FAAH2: variants seen among roughly 807,000 people sequenced by gnomAD.
FAAH2 encodes fatty-acid amide hydrolase 2.
Under a neutral mutation model 36.9 loss-of-function variants are expected in FAAH2, and 60 were observed. The observed-to-expected ratio is 1.63, with a 90% CI of 1.32 to 2.02. The LOEUF (loss-of-function observed/expected upper bound fraction) is 2.02, where lower values mean the gene tolerates loss of function less well. Ranked by LOEUF, FAAH2 falls within the 30% of genes most tolerant of loss-of-function variation. The probability of loss-of-function intolerance (pLI) is 0.00; values close to 1 mark genes in which losing one functional copy is unlikely to be tolerated. For synonymous variants in FAAH2, 214 were observed against 143.8 expected (o/e 1.49, Z -3.49); for missense variants, 689 against 397.5 (o/e 1.73, Z -6.23).
chrX:57,290,198 C>CTTT (rs767292820), intron 1 of FAAH2: 106 of 552,894 alleles, frequency 1.9e-4, no homozygotes, highest in Middle Eastern at 1.1e-3. Flanking sequence ...CTAACCCCTG[C>CTTT]TTTTTTTTTT....
chrX:57,478,892 C>G (rs942636137), intron 10 of FAAH2, among the ~76,000 whole-genome samples: 11 of 111,564 alleles, frequency 9.9e-5, no homozygotes, highest in Admixed American at 7.6e-4. Context: ...TTACTGTAGC[C>G]TTGTAGTATA....
upstream of FAAH2, among the ~76,000 whole-genome samples, chrX:57,285,052 A>G (rs1272018009): frequency 8.9e-6 from 1 of 112,489 alleles, no homozygotes; most frequent in Non-Finnish European, 1.9e-5. Context: ...TTTCTCTGGT[A>G]AGGAAGTTTC....
At chrX:57,408,278 A>G (rs2055615430) in intron 7 of FAAH2, among the ~76,000 whole-genome samples, 1 of 110,966 alleles carries the variant, frequency 9.0e-6, no homozygotes, top group Admixed American at 9.6e-5. Context: ...TTAATTTTCC[A>G]ATCTGTGAAC....
the FAAH2 span, among the ~76,000 whole-genome samples, chrX:57,251,725 G>A: frequency 1.1e-4 from 12 of 111,587 alleles, no homozygotes; most frequent in Admixed American, 1.1e-3. Context: ...CATGAGAGTC[G>A]CTTCCAAGAC....
At chrX:57,358,549 T>A (rs2147130370) in intron 5 of FAAH2, among the ~76,000 whole-genome samples, 1 of 111,562 alleles carries the variant, frequency 9.0e-6, no homozygotes, top group Admixed American at 9.6e-5. Context: ...ACAATTTCCA[T>A]TATATATGTA....
At chrX:57,431,451 A>G (rs1042869137) in intron 7 of FAAH2, among the ~76,000 whole-genome samples, 1 of 112,012 alleles carries the variant, frequency 8.9e-6, no homozygotes, top group African/African-American at 3.2e-5. Flanking sequence ...CCTACAGTCT[A>G]AACTATGCTA....
chrX:57,219,798 G>A, the FAAH2 span, among the ~76,000 whole-genome samples: 1 of 103,396 alleles, frequency 9.7e-6, no homozygotes, highest in Non-Finnish European at 1.9e-5. Flanking sequence ...AGTCCTCTAG[G>A]CTGCCTCATA....
At chrX:57,256,507 CCTGA>C in the FAAH2 span, among the ~76,000 whole-genome samples, 1 of 111,554 alleles carries the variant, frequency 9.0e-6, no homozygotes, top group Non-Finnish European at 1.9e-5. Context: ...CACCACGCTA[CCTGA>C]CTTCAAATTG....
At chrX:57,475,991 G>C (rs900866138) in intron 10 of FAAH2, among the ~76,000 whole-genome samples, 3 of 110,658 alleles carry the variant, frequency 2.7e-5, no homozygotes, top group Non-Finnish European at 5.7e-5. Flanking sequence ...TTGGCTGTCT[G>C]CTTGTCTATT....
At chrX:57,199,640 T>G in the FAAH2 span, among the ~76,000 whole-genome samples, 1 of 111,852 alleles carries the variant, frequency 8.9e-6, no homozygotes, top group Non-Finnish European at 1.9e-5. Flanking sequence ...TGTTGTTGAT[T>G]TTCTTTCTGG....
chrX:57,387,608 A>G (rs2055058582), intron 7 of FAAH2, among the ~76,000 whole-genome samples: 1 of 111,392 alleles, frequency 9.0e-6, no homozygotes, highest in South Asian at 3.7e-4. Flanking sequence ...ATAAAAAAAG[A>G]AACTTAGTTT....
At chrX:57,239,373 G>T in the FAAH2 span, among the ~76,000 whole-genome samples, 1 of 111,060 alleles carries the variant, frequency 9.0e-6, no homozygotes, top group African/African-American at 3.3e-5. Flanking sequence ...ATGAATATGG[G>T]CTCCAATCTC....
At chrX:57,260,058 T>C in the FAAH2 span, among the ~76,000 whole-genome samples, 4 of 111,924 alleles carry the variant, frequency 3.6e-5, no homozygotes, top group East Asian at 1.1e-3. Context: ...TGTAGTGTAA[T>C]ATAACTTCAA....
the FAAH2 span, among the ~76,000 whole-genome samples, chrX:57,226,026 A>G: frequency 9.0e-6 from 1 of 111,540 alleles, no homozygotes; most frequent in Non-Finnish European, 1.9e-5. Context: ...AGTTTATGTG[A>G]GTCTTTTTGT....
chrX:57,135,491 A>G, the FAAH2 span: 1 of 286,795 alleles, frequency 3.5e-6, no homozygotes, highest in African/African-American at 2.8e-5. Flanking sequence ...CCCCCTCCAG[A>G]CCAGACCAGC....
the FAAH2 span, among the ~76,000 whole-genome samples, chrX:57,174,941 G>T: frequency 8.9e-6 from 1 of 111,938 alleles, no homozygotes; most frequent in African/African-American, 3.2e-5. Flanking sequence ...GATTTGAGAA[G>T]ATGCTCGGTA....
At chrX:57,175,471 A>G in the FAAH2 span, among the ~76,000 whole-genome samples, 47 of 111,849 alleles carry the variant, frequency 4.2e-4, no homozygotes, top group Admixed American at 2.4e-3. Flanking sequence ...TTTGTGTTAC[A>G]TGACTCTCTG....
rs374751175 is a variant in FAAH2, at chrX:57,488,830, C to T, written c.1497C>T (p.Gly499=). ...LGLNAKGLPL[G]IQVVAGPFND... Reference sequence around the variant, plus strand: ...TGAATGCCAAAGGACTCCCTTTAGGCATCCAGGTTGTGGCTGGACCCTTTA... The same window carrying T: ...TGAATGCCAAAGGACTCCCTTTAGGTATCCAGGTTGTGGCTGGACCCTTTA... The change falls in exon 11 of 11, where the codon GGC becomes GGT. Residue 499 remains glycine, a synonymous_variant. Coordinates refer to ENST00000374900, the MANE Select transcript of FAAH2 (RefSeq NM_174912.4). The T allele has an allele frequency of 3.1e-5, 37 of 1,209,532 alleles. No individual in the cohort carries two copies. The East Asian group carries it at 8.6e-4, about 28-fold the overall frequency.
intron 7 of FAAH2, among the ~76,000 whole-genome samples, chrX:57,386,240 C>T (rs933155243): frequency 9.1e-6 from 1 of 110,354 alleles, no homozygotes; most frequent in Admixed American, 9.6e-5. Flanking sequence ...CAGGCTATAA[C>T]CTATTATAAG....
Sources: gnomAD v4.1 joint callset for allele counts (sites outside exome capture counted in the v4.1 genomes callset) on GRCh38, gnomAD v4.1.1 for gene constraint, MANE v1.5 for transcripts, NCBI Gene and HGNC (gene_info 2026-07-23, HGNC 2026-07-21) for gene names.